The following POGZ variants were observed in gnomAD, a reference collection of about 807,000 sequenced individuals.
POGZ encodes pogo transposable element derived with ZNF domain, also known as pogo transposable element with ZNF domain.
In POGZ, 17 loss-of-function variants were observed where a neutral mutation model predicts 134.6. That is an observed-to-expected ratio of 0.13 (90% CI 0.09 to 0.19). POGZ has a LOEUF of 0.19. POGZ is among the 10% of genes least tolerant of loss of function. The pLI is 1.00. For synonymous variants in POGZ, 693 were observed against 657.1 expected, an observed-to-expected ratio of 1.05 and a Z score of -0.84; for missense variants, 1,306 against 1,769.7, an observed-to-expected ratio of 0.74 and a Z score of 4.70.
In POGZ at chr1:151,407,041, G is replaced by A; in HGVS notation, c.2433-18C>T. 1 of 1,578,064 alleles carries A rather than the reference G, an allele frequency of 6.3e-7. No individual in the cohort carries two copies. The highest frequency in any genetic ancestry group is 1.1e-5 in the South Asian group (1 of 89,988). On this transcript the variant is annotated intron_variant, in intron 16 of 18. Transcript: ENST00000271715. The stretch of plus-strand genomic sequence containing the variant: ...TGATTCCACTAAAAAAGAGAATTGA[G>A]ACTATGTAAGACAAACACAGCAGTG...
chr1:151,456,420 A>C (rs771955833), intron 1 of POGZ, among the ~76,000 whole-genome samples: 37 of 152,172 alleles, frequency 2.4e-4, no homozygotes, highest in Non-Finnish European at 5.0e-4. Context: ...TGACAAGCTC[A>C]CTTCATTTTC....
At chr1:151,457,831 G>T (rs938603902) in intron 1 of POGZ, among the ~76,000 whole-genome samples, 1 of 152,096 alleles carries the variant, frequency 6.6e-6, no homozygotes. Context: ...GAAGGCTGAG[G>T]CAGGAGAATC....
chr1:151,429,778 A>G lies in POGZ; in HGVS notation c.460-67T>C, dbSNP rs188927489. 1.7e-4 allele frequency: 142 copies of G among 816,426 alleles called. 1 individual carries two copies. In the East Asian group the frequency reaches 3.7e-3, roughly 21 times the overall value. The allele number at this position is 816,426 out of a possible 1,614,324, so 50.6% of individuals were successfully genotyped here. A position where few individuals can be genotyped will look rare whatever the true frequency, so the allele number is the denominator to read the frequency against. ...TAACACTGACAAAGATTGCAGTATGACCTACATCCAAAAAAAAATTCCCAT... is the reference window on the plus strand; with the variant it reads ...TAACACTGACAAAGATTGCAGTATGGCCTACATCCAAAAAAAAATTCCCAT... On this transcript the variant is annotated intron_variant, in intron 4 of 18. Coordinates refer to ENST00000271715, the MANE Select transcript of POGZ (RefSeq NM_015100.4).
At chr1:151,436,925 G>A (rs756759772) in intron 3 of POGZ, among the ~76,000 whole-genome samples, 1 of 152,142 alleles carries the variant, frequency 6.6e-6, no homozygotes, top group Non-Finnish European at 1.5e-5. Context: ...CAGGTGAGGC[G>A]GCTCATGTCT....
intron 1 of POGZ, among the ~76,000 whole-genome samples, chr1:151,450,668 T>A (rs1052925087): frequency 1.3e-5 from 2 of 152,118 alleles, no homozygotes; most frequent in Non-Finnish European, 2.9e-5. Context: ...CAGTTCTAAA[T>A]TTTTTCTTGT....
At position 151,424,182 on chromosome 1, in the gene POGZ, A is replaced by T; in HGVS notation, c.1290T>A (p.Ala430=). The change falls in exon 9 of 19, where the codon GCT becomes GCA. Residue 430 remains alanine, a synonymous_variant. Coordinates refer to ENST00000271715, the MANE Select transcript of POGZ (RefSeq NM_015100.4). Reference sequence around the variant, plus strand: ...TAGAAGAGGGTGTGGAAGCAACAGGAGCTGTTTTCTCAGGGGATGGGGGCT... The same window carrying T: ...TAGAAGAGGGTGTGGAAGCAACAGGTGCTGTTTTCTCAGGGGATGGGGGCT... The part of the protein sequence containing the change: ...AAKPPSPEKT[A]PVASTPSSTP... 6.2e-7 allele frequency: 1 copy of T among 1,613,916 alleles called. No homozygotes were observed. The highest frequency in any genetic ancestry group is 8.5e-7 in the Non-Finnish European group (1 of 1,179,898).
rs1657414631 is a variant in POGZ, at chr1:151,424,290, T to TA, written c.1186-5dup. 3 of 1,538,998 alleles carry TA rather than the reference T, an allele frequency of 1.9e-6. No homozygotes were observed. Among genetic ancestry groups the TA allele is most frequent in the Non-Finnish European group, 2.6e-6 (3 of 1,133,042 alleles). ...CAACCATTTCTGGGCAACAGTACTA[T>TA]AAAGAAAGACATCTGATCATTCTGG... On this transcript the variant is annotated splice_region_variant and splice_polypyrimidine_tract_variant and intron_variant, in intron 8 of 18. Transcript: ENST00000271715.
At chr1:151,457,379 A>G (rs1458305638) in intron 1 of POGZ, among the ~76,000 whole-genome samples, 1 of 152,134 alleles carries the variant, frequency 6.6e-6, no homozygotes, top group African/African-American at 2.4e-5. Flanking sequence ...CTCATTTGAA[A>G]ATGTAAAGAT....
In POGZ at chr1:151,405,670, A is replaced by G; in HGVS notation, c.3365T>C (p.Ile1122Thr). The G allele has an allele frequency of 6.2e-7, 1 of 1,614,202 alleles. No homozygotes were observed. Among genetic ancestry groups the G allele is most frequent in the Non-Finnish European group, 8.5e-7 (1 of 1,180,038 alleles). ...IHNQDLPLSM[I>T]VAIDEISLFL... ...CAAAGAGATCTCATCAATAGCCACA[A>G]TCATAGACAAGGGTAAGTCCTGGTT... Residue 1122 changes from isoleucine (I) to threonine (T), a missense_variant, in exon 19 of 19, where the codon ATT becomes ACT. Around this residue, in one of 10 missense-constraint regions of POGZ, gnomAD observed 161 missense variants for 185.4 expected, o/e 0.87. Coordinates refer to ENST00000271715, the MANE Select transcript of POGZ (RefSeq NM_015100.4). This position sits in a 1 kb window ranked among gnomAD's most constrained non-coding sequence, Gnocchi z 4.9.
rs1322009112 is a variant in POGZ, at chr1:151,407,828, G to T, written c.2375+272C>A. Reference sequence around the variant, plus strand: ...AGTTTGAGACCAGCCTGGCCAACAAGGTGAAACCCCGTCTCTACTAAAAAT... The same window carrying T: ...AGTTTGAGACCAGCCTGGCCAACAATGTGAAACCCCGTCTCTACTAAAAAT... On this transcript the variant is annotated intron_variant, in intron 15 of 18. Coordinates refer to ENST00000271715, the MANE Select transcript of POGZ (RefSeq NM_015100.4). Among the ~76,000 whole-genome samples the T allele has an allele frequency of 2.0e-5, 3 of 151,868 alleles. No individual in the cohort carries two copies. The East Asian group carries it at 5.8e-4, about 29-fold the overall frequency.
chr1:151,409,296 CCA>C (rs1400506019), intron 12 of POGZ, among the ~76,000 whole-genome samples: 1 of 152,182 alleles, frequency 6.6e-6, no homozygotes, highest in Non-Finnish European at 1.5e-5. Context: ...CAACTTATTA[CCA>C]GTTTCCTGAG....
At chr1:151,414,578 T>G (rs1571372151) in intron 10 of POGZ, among the ~76,000 whole-genome samples, 1 of 151,570 alleles carries the variant, frequency 6.6e-6, no homozygotes, top group African/African-American at 2.4e-5. Context: ...AGGTTGGGAG[T>G]TCAAGACAAG....
chr1:151,406,537 A>G, intron 18 of POGZ, 70 bp downstream of exon 18: 1 of 1,530,252 alleles, frequency 6.5e-7, no homozygotes, highest in East Asian at 2.4e-5. Context: ...TAATATGATA[A>G]TAATAATAAT....
intron 10 of POGZ, among the ~76,000 whole-genome samples, chr1:151,419,365 A>T (rs748984535): frequency 6.6e-6 from 1 of 151,400 alleles, no homozygotes; most frequent in Non-Finnish European, 1.5e-5. Flanking sequence ...CTCCCAAAAA[A>T]AAAGCTGAGC....
At chr1:151,428,583 CA>C (rs1436075410) in intron 5 of POGZ, among the ~76,000 whole-genome samples, 170 bp from the exon 6 acceptor site, 1 of 152,080 alleles carries the variant, frequency 6.6e-6, no homozygotes, top group Admixed American at 6.5e-5. Context: ...TCCATGTTGA[CA>C]AAATAACCTG....
chr1:151,427,694 G>T (rs1658002291), intron 7 of POGZ, 129 bp downstream of exon 7: 1 of 682,984 alleles, frequency 1.5e-6, no homozygotes, highest in Non-Finnish European at 2.4e-6. Flanking sequence ...TAAAGTTTCT[G>T]TAAGAACAAA....
chr1:151,416,139 C>T (rs1382738820), intron 10 of POGZ, among the ~76,000 whole-genome samples: 8 of 120,468 alleles, frequency 6.6e-5, no homozygotes, highest in East Asian at 5.6e-4. Flanking sequence ...ACCTGTGACG[C>T]GGAGGTTGCA....
chr1:151,408,379 C>A, intron 14 of POGZ, 30 bp downstream of exon 14: 1 of 1,569,768 alleles, frequency 6.4e-7, no homozygotes, highest in Admixed American at 2.0e-5. Context: ...CCAGTCCCCA[C>A]CCGCCCAGCA....
chr1:151,418,072 C>T (rs894076587), intron 10 of POGZ, among the ~76,000 whole-genome samples: 15 of 152,032 alleles, frequency 9.9e-5, no homozygotes, highest in African/African-American at 3.4e-4. Flanking sequence ...AAAAATTAGC[C>T]GGGCGTGGTG....
Sources: gnomAD v4.1 joint callset for allele counts (sites outside exome capture counted in the v4.1 genomes callset) on GRCh38, gnomAD v4.1.1 for gene constraint, gnomAD v4.1.1 regional missense constraint, Gnocchi (gnomAD v3.1) non-coding constraint, MANE v1.5 for transcripts, NCBI Gene and HGNC (gene_info 2026-07-23, HGNC 2026-07-21) for gene names.